HNRNPH1: variants seen among roughly 807,000 people sequenced by gnomAD.
HNRNPH1 encodes heterogeneous nuclear ribonucleoprotein H1, also known as heterogeneous nuclear ribonucleoprotein H.
A neutral mutation model predicts 58.6 loss-of-function variants in HNRNPH1; 4 were observed. The observed-to-expected ratio is 0.07, with a 90% confidence interval of 0.03 to 0.16. HNRNPH1 has a LOEUF of 0.16. HNRNPH1 is among the 10% of genes least tolerant of loss of function. HNRNPH1 has a pLI of 1.00. For synonymous variants in HNRNPH1, 192 were observed against 189.2 expected, an observed-to-expected ratio of 1.01 and a Z score of -0.12; for missense variants, 271 against 564.2, an observed-to-expected ratio of 0.48 and a Z score of 5.26.
chr5:179,620,759 G>T, intron 3 of HNRNPH1, 133 bp downstream of exon 4: 1 of 724,288 alleles, frequency 1.4e-6, no homozygotes, highest in Non-Finnish European at 2.3e-6. Flanking sequence ...AAGGTCTCTA[G>T]GAAGAAAACA....
intron 12 of HNRNPH1, chr5:179,615,326 G>C: frequency 2.1e-6 from 1 of 471,556 alleles, no homozygotes; most frequent in Non-Finnish European, 3.8e-6. Context: ...TGTGTCCCTC[G>C]AATGGCATTT....
At chr5:179,623,937 C>T (rs1774019555) in exon 1 of HNRNPH1, 1 of 152,422 alleles carries the variant, frequency 6.6e-6, no homozygotes, top group South Asian at 2.0e-4. Flanking sequence ...ATAATTATTT[C>T]ATGCGCATGC....
chr5:179,619,825 ATACATT>A (rs1771430606), intron 3 of HNRNPH1: 1 of 152,822 alleles, frequency 6.5e-6, no homozygotes, highest in African/African-American at 2.4e-5. Flanking sequence ...TTAAAAAGGT[ATACATT>A]TACAACATTT....
At chr5:179,615,380 T>C (rs1769026113) in intron 12 of HNRNPH1, 166 bp downstream of exon 13, 1 of 509,624 alleles carries the variant, frequency 2.0e-6, no homozygotes, top group East Asian at 3.1e-5. Flanking sequence ...TTCCTATTCA[T>C]GGTGGGCAGG....
intron 2 of HNRNPH1, 96 bp from the exon 4 acceptor site, chr5:179,621,131 A>G: frequency 1.3e-6 from 2 of 1,508,904 alleles, no homozygotes; most frequent in South Asian, 1.2e-5. Context: ...AGCTGCCACA[A>G]ACTCCCTTAG....
At chr5:179,626,719 A>G (rs958737345), upstream of HNRNPH1, among the ~76,000 whole-genome samples, 36 of 150,902 alleles carry the variant, frequency 2.4e-4, no homozygotes, top group African/African-American at 8.5e-4. Flanking sequence ...CTGTCTTTAA[A>G]AAAAAAAAAA....
upstream of HNRNPH1, among the ~76,000 whole-genome samples, chr5:179,628,143 T>G (rs1774539380): frequency 2.6e-5 from 4 of 151,942 alleles, no homozygotes; most frequent in South Asian, 8.3e-4. Context: ...TTTTAATATT[T>G]GGACATATAG....
exon 12 of HNRNPH1, chr5:179,615,582 C>A: frequency 6.4e-7 from 1 of 1,566,876 alleles, no homozygotes; most frequent in Non-Finnish European, 8.8e-7. Flanking sequence ...TGGAGTTTTC[C>A]TGTAAAACTT....
At chr5:179,617,176 T>C in intron 8 of HNRNPH1, 66 bp from the exon 10 acceptor site, 1 of 1,476,648 alleles carries the variant, frequency 6.8e-7, no homozygotes, top group South Asian at 1.2e-5. Flanking sequence ...AGCACTTTTA[T>C]AAAGTTTTTA....
At chr5:179,616,374 C>G (rs1196717190) in intron 10 of HNRNPH1, 156 bp from the exon 12 acceptor site, 1 of 640,974 alleles carries the variant, frequency 1.6e-6, no homozygotes, top group Non-Finnish European at 2.8e-6. Flanking sequence ...ACCAGGCCAC[C>G]CTTCTATCCA....
intron 2 of HNRNPH1, among the ~76,000 whole-genome samples, chr5:179,629,731 A>G (rs955027391): frequency 9.2e-5 from 14 of 152,034 alleles, no homozygotes; most frequent in Non-Finnish European, 1.9e-4. Flanking sequence ...TTTCTTAATA[A>G]TATGAAGTAG....
chr5:179,614,761 T>G (rs1768637816), exon 13 of HNRNPH1: 1 of 726,634 alleles, frequency 1.4e-6, no homozygotes, highest in East Asian at 2.8e-5. Context: ...TTGCAGAAAC[T>G]GTTAAACTGA....
intron 1 of HNRNPH1, among the ~76,000 whole-genome samples, chr5:179,622,596 A>G (rs1044163536): frequency 6.6e-6 from 1 of 152,216 alleles, no homozygotes; most frequent in Non-Finnish European, 1.5e-5. Context: ...CTCTAGTCCC[A>G]GACACTCGGG....
At chr5:179,628,049 C>T (rs138782152), upstream of HNRNPH1, among the ~76,000 whole-genome samples, 104 of 152,132 alleles carry the variant, frequency 6.8e-4, no homozygotes, top group African/African-American at 1.9e-3. Context: ...TCTGGAACTC[C>T]GAACCTCAAG....
At chr5:179,617,876 T>C in exon 7 of HNRNPH1, 2 of 1,613,076 alleles carry the variant, frequency 1.2e-6, no homozygotes, top group Non-Finnish European at 1.7e-6. Context: ...CTCTGGAAAG[T>C]AGAGCCACCA....
intron 8 of HNRNPH1, 25 bp downstream of exon 9, chr5:179,617,489 C>T (rs1192818667): frequency 6.2e-7 from 1 of 1,608,386 alleles, no homozygotes; most frequent in Non-Finnish European, 8.5e-7. Context: ...CTGTTAAGAG[C>T]CCACAAATGC....
chr5:179,621,580 G>T, intron 1 of HNRNPH1, 183 bp from the exon 3 acceptor site: 1 of 592,130 alleles, frequency 1.7e-6, no homozygotes, highest in Non-Finnish European at 3.0e-6. Flanking sequence ...CATTCCTAAG[G>T]TGATATATTT....
intron 3 of HNRNPH1, chr5:179,620,034 T>G (rs2127659331): frequency 6.6e-6 from 1 of 152,344 alleles, no homozygotes; most frequent in Middle Eastern, 3.4e-3. Context: ...CTTAAAGCAC[T>G]TTCCTAGAAG....
At chr5:179,617,182 T>G (rs551202281) in intron 8 of HNRNPH1, 72 bp from the exon 10 acceptor site, 1 of 1,449,436 alleles carries the variant, frequency 6.9e-7, no homozygotes, top group African/African-American at 1.4e-5. Flanking sequence ...TTTATAAAGT[T>G]TTTAAACAAG....
Sources: gnomAD v4.1 joint callset for allele counts (sites outside exome capture counted in the v4.1 genomes callset) on GRCh38, gnomAD v4.1.1 for gene constraint, MANE v1.5 for transcripts, NCBI Gene and HGNC (gene_info 2026-07-23, HGNC 2026-07-21) for gene names.